Variants in STK38 observed in about 807,000 individuals in gnomAD.
The protein encoded by STK38 is serine/threonine kinase 38.
A neutral mutation model predicts 59.0 loss-of-function variants in STK38; 26 were observed. The ratio of observed to expected loss-of-function variants is 0.44; its 90% CI spans 0.32 to 0.61. The LOEUF (loss-of-function observed/expected upper bound fraction) is 0.61, where lower values mean the gene tolerates loss of function less well. Among genes scored for constraint, STK38 ranks in the 20% least tolerant of loss-of-function variants. STK38 has a pLI of 0.04. For missense variants in STK38, 433 were observed against 566.0 expected, an observed-to-expected ratio of 0.76 and a Z score of 2.38; for synonymous variants, 175 against 176.6, an observed-to-expected ratio of 0.99 and a Z score of 0.07.
rs1327640894 is a variant in STK38 at position 36,519,241 on chromosome 6, T to C, written c.391-1401A>G. Among the ~76,000 whole-genome samples the C allele has an allele frequency of 2.6e-5, 4 of 151,872 alleles. No homozygotes were observed. In the East Asian group the frequency reaches 7.7e-4, roughly 29 times the overall value. On this transcript the variant is annotated intron_variant, in intron 5 of 13. Coordinates refer to ENST00000229812, the MANE Select transcript of STK38 (RefSeq NM_007271.4). ...GGTGGGAAAAAATGGACAATAAGGG[T>C]GAAAAGAAACAGTGCTATGAAACAC...
chr6:36,543,986 C>A (rs1455015455), intron 1 of STK38, among the ~76,000 whole-genome samples: 3 of 152,102 alleles, frequency 2.0e-5, no homozygotes, highest in African/African-American at 7.2e-5. Flanking sequence ...AGGTTTTCCC[C>A]CTTAATATTT....
intron 2 of STK38, 52 bp from the exon 3 acceptor site, chr6:36,525,694 C>G (rs754881419): frequency 2.4e-5 from 35 of 1,465,280 alleles, no homozygotes; most frequent in Non-Finnish European, 3.1e-5. Context: ...TGATAACTTT[C>G]TGAAAATTCT....
At chr6:36,536,703 A>T (rs1777800758) in intron 2 of STK38, among the ~76,000 whole-genome samples, 1 of 151,610 alleles carries the variant, frequency 6.6e-6, no homozygotes, top group Non-Finnish European at 1.5e-5. Flanking sequence ...TGCCCAGCTA[A>T]TTCTGTATTT....
Position 36,497,789 on chromosome 6 carries a change from TCC to T in STK38, c.1161_1162del (p.Trp387Ter). 1 of 1,611,522 alleles carries T rather than the reference TCC, an allele frequency of 6.2e-7. No individual in the cohort carries two copies. Among genetic ancestry groups the T allele is most frequent in the South Asian group, 1.1e-5 (1 of 90,884 alleles). On this transcript the variant is annotated stop_gained and frameshift_variant, in exon 12 of 14. Transcript: ENST00000229812. LOFTEE classifies it high-confidence loss of function. ...GTTTATATGGATATACCTGATATGT[TCC>T]CAGTCAACGCCTTCAAAAAAAGAGT...
intron 2 of STK38, among the ~76,000 whole-genome samples, chr6:36,529,081 A>T (rs1344231782): frequency 2.6e-5 from 4 of 152,236 alleles, no homozygotes; most frequent in Admixed American, 6.5e-5. Context: ...CACCAAAAAC[A>T]GCAAGGACAG....
chr6:36,522,152 A>C, intron 4 of STK38: 1 of 188,454 alleles, frequency 5.3e-6, no homozygotes, highest in Non-Finnish European at 1.1e-5. Context: ...AGAAAATCTA[A>C]GTAAATGATT....
intron 1 of STK38, among the ~76,000 whole-genome samples, chr6:36,545,829 A>G (rs1021152623): frequency 3.9e-5 from 6 of 152,242 alleles, no homozygotes. Context: ...TAAAAAATTA[A>G]CAAAAGGAAC....
At chr6:36,526,176 CA>C (rs1341673597) in intron 2 of STK38, among the ~76,000 whole-genome samples, 3 of 149,572 alleles carry the variant, frequency 2.0e-5, no homozygotes, top group Non-Finnish European at 4.4e-5. Context: ...GTTAATGCAA[CA>C]AAGACTCTTG....
chr6:36,517,192 G>C (rs1777277173), intron 6 of STK38, among the ~76,000 whole-genome samples: 1 of 152,044 alleles, frequency 6.6e-6, no homozygotes, highest in Non-Finnish European at 1.5e-5. Context: ...CAGATGGCAT[G>C]TTCTGTTCTG....
intron 1 of STK38, among the ~76,000 whole-genome samples, chr6:36,545,499 A>C (rs1157756293): frequency 6.6e-6 from 1 of 152,130 alleles, no homozygotes; most frequent in Non-Finnish European, 1.5e-5. Context: ...AGAGTTTCTA[A>C]TATAATGATA....
At position 36,524,405 on chromosome 6, in the gene STK38, C is replaced by T; in HGVS notation, c.242G>A (p.Arg81Lys). 1 of 1,613,558 alleles carries T rather than the reference C, an allele frequency of 6.2e-7. No individual in the cohort carries two copies. The highest frequency in any genetic ancestry group is 8.5e-7 in the Non-Finnish European group (1 of 1,179,826). The change falls in exon 4 of 14, where the codon AGA becomes AAA. Residue 81 changes from arginine to lysine, a missense_variant. Arg to Lys is a conservative substitution (Grantham distance 26). Coordinates refer to ENST00000229812, the MANE Select transcript of STK38 (RefSeq NM_007271.4). ...AAAATCTTCCAATCCAAGTCTTGTT[C>T]TCTTCAAACGAAGAAACTCTGTTTC... ...RKETEFLRLK[R>K]TRLGLEDFES...
At chr6:36,507,311 C>T (rs978606329) in intron 8 of STK38, among the ~76,000 whole-genome samples, 189 bp downstream of exon 8, 2 of 152,104 alleles carry the variant, frequency 1.3e-5, no homozygotes, top group African/African-American at 4.8e-5. Flanking sequence ...TGCCTTCACA[C>T]ACTTGGTACC....
At chr6:36,525,368 T>A (rs1461469523) in intron 3 of STK38, among the ~76,000 whole-genome samples, 3 of 152,224 alleles carry the variant, frequency 2.0e-5, no homozygotes, top group Non-Finnish European at 4.4e-5. Context: ...GAATTCTAAA[T>A]CTAGTTTACT....
intron 2 of STK38, among the ~76,000 whole-genome samples, chr6:36,530,814 C>A (rs978160027): frequency 6.6e-6 from 1 of 151,770 alleles, no homozygotes; most frequent in South Asian, 2.1e-4. Flanking sequence ...CTCAACCTCC[C>A]GAGTAGCTGG....
chr6:36,507,651 G>T, intron 7 of STK38, 49 bp from the exon 8 acceptor site: 1 of 1,407,326 alleles, frequency 7.1e-7, no homozygotes, highest in Non-Finnish European at 1.0e-6. Context: ...CTTGGAGGTA[G>T]AACAGAACAT....
intron 2 of STK38, among the ~76,000 whole-genome samples, chr6:36,529,246 G>A (rs1258662486): frequency 6.6e-6 from 1 of 152,162 alleles, no homozygotes; most frequent in Non-Finnish European, 1.5e-5. Context: ...TAAAATGACA[G>A]ATGTTTGGAA....
intron 9 of STK38, among the ~76,000 whole-genome samples, chr6:36,502,527 C>T (rs796523289): frequency 5.3e-5 from 8 of 152,058 alleles, no homozygotes; most frequent in African/African-American, 1.9e-4. Flanking sequence ...AGTATCTTCT[C>T]CCAGATTGAC....
intron 2 of STK38, among the ~76,000 whole-genome samples, chr6:36,537,489 A>C (rs911177914): frequency 1.3e-5 from 2 of 152,204 alleles, no homozygotes; most frequent in African/African-American, 4.8e-5. Context: ...ACTGAAAAGA[A>C]CCCAGGTGTT....
chr6:36,540,158 G>A lies in STK38; in HGVS notation c.45C>T (p.His15=). 1 of 1,614,080 alleles carries A rather than the reference G, an allele frequency of 6.2e-7. No homozygotes were observed. Among genetic ancestry groups the A allele is most frequent in the South Asian group, 1.1e-5 (1 of 91,074 alleles). Residue 15 remains histidine (H), a synonymous_variant, in exon 2 of 14, where the codon CAC becomes CAT. Transcript: ENST00000229812. ...TGGTCATTGTCACCCTTTCCTTTGT[G>A]TGGTTACTCATGGATGAGCAAGGTG... ...GSTPCSSMSN[H]TKERVTMTKV... is the part of the protein sequence containing the mutation.
Sources: allele counts gnomAD v4.1 joint callset (sites outside exome capture counted in the v4.1 genomes callset), GRCh38; gene constraint gnomAD v4.1.1; transcripts MANE v1.5; gene names NCBI Gene and HGNC (gene_info 2026-07-23, HGNC 2026-07-21).